C9orf153: variants seen among roughly 807,000 people sequenced by gnomAD.
C9orf153 encodes the protein chromosome 9 open reading frame 153.
A neutral mutation model predicts 9.0 loss-of-function variants in C9orf153; 10 were observed. That is an observed-to-expected ratio of 1.11 (90% CI 0.69 to 1.89). The LOEUF (loss-of-function observed/expected upper bound fraction) is 1.89, where lower values mean the gene tolerates loss of function less well. Among genes scored for constraint, C9orf153 ranks in the 40% most tolerant of loss-of-function variants. The probability of loss-of-function intolerance (pLI) is 0.00; values close to 1 mark genes in which losing one functional copy is unlikely to be tolerated. For synonymous variants in C9orf153, 35 were observed against 37.3 expected, an observed-to-expected ratio of 0.94 and a Z score of 0.23; for missense variants, 108 against 111.0, an observed-to-expected ratio of 0.97 and a Z score of 0.12.
At position 86,221,254 on chromosome 9, in the gene C9orf153, T is replaced by A. The variant is rs192334927; in HGVS notation, c.*434A>T. 309 of 154,588 alleles carry A rather than the reference T, an allele frequency of 2.0e-3. No individual in the cohort carries two copies. Among genetic ancestry groups the A allele is most frequent in the African/African-American group, 7.2e-3 (302 of 41,680 alleles). 9.6% of individuals were successfully genotyped at this position (154,588 alleles called of 1,614,324 possible). ...TCTTCAGTTACACCTTTTCTTTTCA[T>A]ATGACCTATATTTGCTTTAGCCCTG... On this transcript the variant is annotated 3_prime_UTR_variant, in exon 4 of 4. Transcript: ENST00000339137.
intron 1 of C9orf153, among the ~76,000 whole-genome samples, chr9:86,248,330 C>T (rs1294236171): frequency 2.0e-5 from 3 of 152,160 alleles, no homozygotes; most frequent in African/African-American, 7.2e-5. Context: ...GACTGGGTTT[C>T]GTCATGTTGG....
chr9:86,230,960 T>C (rs906377387), intron 1 of C9orf153, among the ~76,000 whole-genome samples: 2 of 152,186 alleles, frequency 1.3e-5, no homozygotes, highest in African/African-American at 2.4e-5. Context: ...AGTGACATAG[T>C]GTGAGTGCCA....
chr9:86,227,261 C>A, intron 3 of C9orf153: 12 of 1,364,808 alleles, frequency 8.8e-6, no homozygotes, highest in Non-Finnish European at 1.1e-5. Flanking sequence ...ATCCTCCCAC[C>A]TAAACCTCTC....
chr9:86,251,663 C>CTAAA (rs1214214588), intron 1 of C9orf153, among the ~76,000 whole-genome samples: 1 of 147,628 alleles, frequency 6.8e-6, no homozygotes, highest in Non-Finnish European at 1.5e-5. Flanking sequence ...ATAGATAAAC[C>CTAAA]TAAATGGAAA....
At chr9:86,232,214 C>T (rs1289579457) in intron 1 of C9orf153, among the ~76,000 whole-genome samples, 1 of 152,200 alleles carries the variant, frequency 6.6e-6, no homozygotes, top group Non-Finnish European at 1.5e-5. Context: ...ATTCTCTTTG[C>T]TAAACTACCG....
In C9orf153 at chr9:86,221,038, C is replaced by A. The variant is rs1184838207; in HGVS notation, c.*650G>T. On this transcript the variant is annotated 3_prime_UTR_variant, in exon 4 of 4. Coordinates refer to ENST00000339137, the MANE Select transcript of C9orf153 (RefSeq NM_001276366.4). ...ATTTCCAATTTGTTCTTTTACAAATCTTTCTGTTCTTATTTCATGGATGCT... is the reference window on the plus strand; with the variant it reads ...ATTTCCAATTTGTTCTTTTACAAATATTTCTGTTCTTATTTCATGGATGCT... The A allele has an allele frequency of 2.6e-5, 4 of 152,124 alleles. No individual in the cohort carries two copies. Among genetic ancestry groups the A allele is most frequent in the African/African-American group, 9.7e-5 (4 of 41,418 alleles). 9.4% of individuals were successfully genotyped at this position (152,124 alleles called of 1,614,324 possible).
chr9:86,224,535 A>C (rs1379167812), intron 3 of C9orf153, among the ~76,000 whole-genome samples: 5 of 152,126 alleles, frequency 3.3e-5, no homozygotes, highest in African/African-American at 1.2e-4. Flanking sequence ...GGCTTTTCAA[A>C]GTCATCACCA....
intron 3 of C9orf153, among the ~76,000 whole-genome samples, chr9:86,225,541 C>T (rs916568841): frequency 4.6e-5 from 7 of 152,074 alleles, no homozygotes; most frequent in African/African-American, 1.7e-4. Context: ...TCACCACAAC[C>T]TCTGCCTCCT....
At chr9:86,243,155 T>A (rs1336799135) in intron 1 of C9orf153, among the ~76,000 whole-genome samples, 1 of 152,164 alleles carries the variant, frequency 6.6e-6, no homozygotes, top group Non-Finnish European at 1.5e-5. Context: ...GAAATTAGTC[T>A]CTATGGAAAG....
intron 1 of C9orf153, among the ~76,000 whole-genome samples, chr9:86,235,506 C>T (rs937887373): frequency 2.0e-5 from 3 of 151,708 alleles, no homozygotes; most frequent in African/African-American, 7.3e-5. Context: ...CCTGTAATAC[C>T]AGCACTTTGG....
intron 2 of C9orf153, chr9:86,228,923 C>A (rs1824400304): frequency 3.8e-6 from 1 of 262,078 alleles, no homozygotes; most frequent in Admixed American, 4.0e-5. Context: ...CCAGTATGAG[C>A]TCTGCTACAA....
At chr9:86,228,553 C>A (rs1824393091) in intron 2 of C9orf153, among the ~76,000 whole-genome samples, 1 of 152,132 alleles carries the variant, frequency 6.6e-6, no homozygotes, top group African/African-American at 2.4e-5. Flanking sequence ...GTGACCAGAG[C>A]AAATGGTGAC....
rs374862743 is a variant in C9orf153, at chr9:86,238,306, A to G, written c.-26-8677T>C. ...TGGATATAATTGACATCTATAGACT[A>G]CTACTTCATCCAGCAATGGCAGATT... On this transcript the variant is annotated intron_variant, in intron 1 of 3. Transcript: ENST00000339137. 2.6e-5 allele frequency among the ~76,000 whole-genome samples: 4 copies of G among 152,334 alleles called. No individual in the cohort carries two copies. In the South Asian group the frequency reaches 8.3e-4, roughly 32 times the overall value.
intron 1 of C9orf153, among the ~76,000 whole-genome samples, chr9:86,257,463 G>T (rs2131212715): frequency 6.6e-6 from 1 of 152,266 alleles, no homozygotes; most frequent in Admixed American, 6.5e-5. Context: ...CAAGACATCT[G>T]CCCCTTTTTC....
At chr9:86,223,834 A>T (rs1248706260) in intron 3 of C9orf153, among the ~76,000 whole-genome samples, 1 of 152,218 alleles carries the variant, frequency 6.6e-6, no homozygotes, top group Non-Finnish European at 1.5e-5. Context: ...CACACAAAAA[A>T]ATGGCAGAGC....
intron 3 of C9orf153, among the ~76,000 whole-genome samples, chr9:86,224,609 T>C (rs893793535): frequency 5.9e-5 from 9 of 151,944 alleles, no homozygotes; most frequent in African/African-American, 1.4e-4. Context: ...TATAACACTA[T>C]TGAAACATAT....
At chr9:86,257,744 G>A (rs1825154384) in intron 1 of C9orf153, among the ~76,000 whole-genome samples, 1 of 152,208 alleles carries the variant, frequency 6.6e-6, no homozygotes, top group Non-Finnish European at 1.5e-5. Flanking sequence ...ATAACAACCA[G>A]AACTGAAAAT....
chr9:86,252,451 A>G (rs1825018523), intron 1 of C9orf153, among the ~76,000 whole-genome samples: 1 of 152,242 alleles, frequency 6.6e-6, no homozygotes, highest in Admixed American at 6.5e-5. Context: ...CTTATTTTAC[A>G]GTGACCTGTT....
At chr9:86,227,224 G>A in intron 3 of C9orf153, 6 of 1,171,196 alleles carry the variant, frequency 5.1e-6, no homozygotes, top group Non-Finnish European at 6.5e-6. Flanking sequence ...ATAGTTCACT[G>A]CCACCTCAAA....
Sources: allele counts gnomAD v4.1 joint callset (sites outside exome capture counted in the v4.1 genomes callset), GRCh38; gene constraint gnomAD v4.1.1; transcripts MANE v1.5; gene names NCBI Gene and HGNC (gene_info 2026-07-23, HGNC 2026-07-21).